The following MATN4 variants were observed in gnomAD, a reference collection of about 807,000 sequenced individuals.
MATN4 encodes the protein matrilin 4.
A neutral mutation model predicts 54.6 loss-of-function variants in MATN4; 40 were observed. The ratio of observed to expected loss-of-function variants is 0.73; its 90% confidence interval spans 0.57 to 0.95. The LOEUF (loss-of-function observed/expected upper bound fraction) is 0.95, where lower values mean the gene tolerates loss of function less well. MATN4 is among the 40% of genes least tolerant of loss of function. The probability of loss-of-function intolerance (pLI) is 0.00; values close to 1 mark genes in which losing one functional copy is unlikely to be tolerated. For missense variants in MATN4, 810 were observed against 819.1 expected (o/e 0.99, Z 0.13); for synonymous variants, 351 against 345.3 (o/e 1.02, Z -0.18).
At chr20:45,306,462 C>T (rs1332453457) in intron 1 of MATN4, among the ~76,000 whole-genome samples, 2 of 152,232 alleles carry the variant, frequency 1.3e-5, no homozygotes, top group African/African-American at 4.8e-5. Flanking sequence ...CCTCGGCCCA[C>T]TCCCCTACGC....
chr20:45,306,452 C>T (rs1318058671), intron 1 of MATN4, among the ~76,000 whole-genome samples: 2 of 152,242 alleles, frequency 1.3e-5, no homozygotes, highest in African/African-American at 4.8e-5. Flanking sequence ...CCCTTCCCCA[C>T]CTCGGCCCAC....
intron 8 of MATN4, 117 bp downstream of exon 8, chr20:45,297,801 T>C: frequency 1.5e-6 from 2 of 1,317,840 alleles, no homozygotes; most frequent in South Asian, 1.3e-5. Flanking sequence ...CAAAGCTCTG[T>C]CTAGTGAGCC....
chr20:45,297,668 T>C (rs1985928938), intron 8 of MATN4, among the ~76,000 whole-genome samples: 1 of 152,168 alleles, frequency 6.6e-6, no homozygotes, highest in Non-Finnish European at 1.5e-5. Context: ...ACAAATCACC[T>C]GAGAATCTTG....
Position 45,293,813 on chromosome 20 carries a change from G to C in MATN4, c.1700C>G (p.Thr567Arg). The C allele has an allele frequency of 3.7e-6, 6 of 1,611,392 alleles. No homozygotes were observed. Among genetic ancestry groups the C allele is most frequent in the Non-Finnish European group, 3.4e-6 (4 of 1,179,932 alleles). ...GTTCTCCAGATCCTCCAGGCGCGCCGTCAGCTGGGCCAGTGAGCGGTTAAG... is the reference window on the plus strand; with the variant it reads ...GTTCTCCAGATCCTCCAGGCGCGCCCTCAGCTGGGCCAGTGAGCGGTTAAG... ...ESLTLNLAQL[T>R]ARLEDLENQL... The change falls in exon 10 of 10, where the codon ACG becomes AGG. Residue 567 changes from threonine (T) to arginine (R), a missense_variant. Coordinates refer to ENST00000372756, the MANE Select transcript of MATN4 (RefSeq NM_001393530.1).
In MATN4 at chr20:45,297,911, C is replaced by G. The variant is rs781206229; in HGVS notation, c.1579+7G>C. The G allele has an allele frequency of 6.2e-7, 1 of 1,614,064 alleles. No individual in the cohort carries two copies. The highest frequency in any genetic ancestry group is 8.5e-7 in the Non-Finnish European group (1 of 1,179,980). On this transcript the variant is annotated splice_region_variant and intron_variant, in intron 8 of 9. Transcript: ENST00000372756. ...GAGAGGAGGAGCCCCGAGAGAGATG[C>G]GCTCACCTGGACAGATGCTGCCTCT...
At chr20:45,305,219 G>C (rs1354434051) in intron 2 of MATN4, among the ~76,000 whole-genome samples, 1 of 152,204 alleles carries the variant, frequency 6.6e-6, no homozygotes, top group Non-Finnish European at 1.5e-5. Flanking sequence ...GGTTTTTCAA[G>C]AGAAATACTA....
At chr20:45,304,877 A>G (rs747918985) in intron 2 of MATN4, 80 bp from the exon 3 acceptor site, 14 of 839,388 alleles carry the variant, frequency 1.7e-5, no homozygotes, top group Non-Finnish European at 2.4e-5. Flanking sequence ...CCCAGGGGAA[A>G]TGCCGCTATG....
In MATN4 at chr20:45,296,354, C is replaced by T. The variant is rs140063975; in HGVS notation, c.1579+1564G>A. Among the ~76,000 whole-genome samples the T allele has an allele frequency of 4.5e-3, 689 of 151,606 alleles. 5 individuals carry two copies. The highest frequency in any genetic ancestry group is 0.024 in the Middle Eastern group (7 of 290). ...ATAAGCACAATACCTGCCATTTAAC[C>T]TTTGAAAACACTGCCATAATGATTT... On this transcript the variant is annotated intron_variant, in intron 8 of 9. Coordinates refer to ENST00000372756, the MANE Select transcript of MATN4 (RefSeq NM_001393530.1).
At chr20:45,306,705 C>T in intron 1 of MATN4, 1 of 405,328 alleles carries the variant, frequency 2.5e-6, no homozygotes, top group East Asian at 3.6e-5. Context: ...CAGGGGGCGC[C>T]CGAGATGGCA....
In MATN4 at chr20:45,304,688, G is replaced by C. The variant is rs1986466731; in HGVS notation, c.183C>G (p.Leu61=). 1.2e-6 allele frequency: 2 copies of C among 1,612,816 alleles called. No individual in the cohort carries two copies. The highest frequency in any genetic ancestry group is 1.7e-6 in the Non-Finnish European group (2 of 1,179,320). The part of the protein sequence containing the change: ...ETMRQFLMGL[L]RGLNVGPNAT... ...CGTTGGGACCCACGTTCAGGCCTCG[G>C]AGGAGGCCCATGAGGAACTGCCGCA... Residue 61 remains leucine, a synonymous_variant, in exon 3 of 10, where the codon CTC becomes CTG. Coordinates refer to ENST00000372756, the MANE Select transcript of MATN4 (RefSeq NM_001393530.1).
intron 1 of MATN4, among the ~76,000 whole-genome samples, 186 bp from the exon 2 acceptor site, chr20:45,305,802 A>ATTTTTTTTTT (rs1050722306): frequency 4.1e-4 from 5 of 12,172 alleles, no homozygotes; most frequent in East Asian, 4.5e-3. Context: ...AACACAAGAG[A>ATTTTTTTTTT]TTCTTTTTTT....
intron 3 of MATN4, chr20:45,303,494 C>T (rs1986374003): frequency 1.4e-6 from 1 of 715,400 alleles, no homozygotes; most frequent in Non-Finnish European, 2.6e-6. Context: ...TGTCCCCCCT[C>T]AGCACACTGG....
At position 45,293,729 on chromosome 20, in the gene MATN4, T is replaced by A. The variant is rs1374145453; in HGVS notation, c.*38A>T. The stretch of plus-strand genomic sequence containing the variant: ...GGCGCGCAAGGGGCACCGTCCGTGG[T>A]GCCGCGCCCCAGCCCGGGTCTGGGC... On this transcript the variant is annotated 3_prime_UTR_variant, in exon 10 of 10. Coordinates refer to ENST00000372756, the MANE Select transcript of MATN4 (RefSeq NM_001393530.1). 6.4e-7 allele frequency: 1 copy of A among 1,562,326 alleles called. No homozygotes were observed. Among genetic ancestry groups the A allele is most frequent in the African/African-American group, 1.4e-5 (1 of 73,546 alleles).
At position 45,293,843 on chromosome 20, in the gene MATN4, C is replaced by T. The variant is rs1985630159; in HGVS notation, c.1688-18G>A. ...CTGGGCCAGTGAGCGGTTAAGGAGG[C>T]CGTTGGGGTTCGCCGAGGTCCCTTC... On this transcript the variant is annotated intron_variant, in intron 9 of 9. Coordinates refer to ENST00000372756, the MANE Select transcript of MATN4 (RefSeq NM_001393530.1). The T allele has an allele frequency of 6.2e-7, 1 of 1,610,852 alleles. No homozygotes were observed. Among genetic ancestry groups the T allele is most frequent in the East Asian group, 2.2e-5 (1 of 44,872 alleles).
chr20:45,298,665 AAACATTTATTATAT>A lies in MATN4; in HGVS notation c.1013-96_1013-83del. The A allele has an allele frequency of 8.8e-7, 1 of 1,138,556 alleles. No homozygotes were observed. The highest frequency in any genetic ancestry group is 1.2e-6 in the Non-Finnish European group (1 of 804,316). 70.5% of individuals were successfully genotyped at this position (1,138,556 alleles called of 1,614,324 possible). A position where few individuals can be genotyped will look rare whatever the true frequency, so the allele number is the denominator to read the frequency against. ...TCTATCCATCTAGTCGTTCATTCGCAAACATTTATTATATAACAGACAACATTTCCTGAGTCCTT... is the reference window on the plus strand; with the variant it reads ...TCTATCCATCTAGTCGTTCATTCGCAAACAGACAACATTTCCTGAGTCCTT... On this transcript the variant is annotated intron_variant, in intron 6 of 9. Coordinates refer to ENST00000372756, the MANE Select transcript of MATN4 (RefSeq NM_001393530.1). This position sits in a 1 kb window ranked among gnomAD's most constrained non-coding sequence, Gnocchi z 4.6.
intron 1 of MATN4, among the ~76,000 whole-genome samples, chr20:45,307,472 A>G (rs1986826865): frequency 6.6e-6 from 1 of 152,068 alleles, no homozygotes; most frequent in Non-Finnish European, 1.5e-5. Context: ...AGGGCGGGGA[A>G]CCCTTGTCAA....
rs567950909 is a variant in MATN4, at chr20:45,298,459, G to A, written c.1137C>T (p.Pro379=). Residue 379 remains proline (P), a synonymous_variant, in exon 7 of 10, where the codon CCC becomes CCT. Coordinates refer to ENST00000372756, the MANE Select transcript of MATN4 (RefSeq NM_001393530.1). This position sits in a 1 kb window ranked among gnomAD's most constrained non-coding sequence, Gnocchi z 4.6. ...NQIVDFLDVS[P]EGTRVGLVQF... Reference sequence around the variant, plus strand: ...GCACCAGCCCCACCCGCGTGCCCTCGGGGGACACATCTAGGAAGTCCACAA... The same window carrying A: ...GCACCAGCCCCACCCGCGTGCCCTCAGGGGACACATCTAGGAAGTCCACAA... 3.1e-6 allele frequency: 5 copies of A among 1,613,636 alleles called. No individual in the cohort carries two copies. In the East Asian group the frequency reaches 1.1e-4, roughly 36 times the overall value.
intron 8 of MATN4, among the ~76,000 whole-genome samples, chr20:45,295,973 T>G (rs1262680474): frequency 2.6e-5 from 4 of 152,044 alleles, no homozygotes; most frequent in African/African-American, 9.6e-5. Flanking sequence ...CCCAGCACTT[T>G]GGGAGGCTGA....
In MATN4 at chr20:45,298,186, C is replaced by T. The variant is rs199876561; in HGVS notation, c.1410G>A (p.Ala470=). The T allele has an allele frequency of 9.3e-5, 148 of 1,598,844 alleles. No homozygotes were observed. The highest frequency in any genetic ancestry group is 1.5e-4 in the Admixed American group (9 of 59,456). The change falls in exon 7 of 10, where the codon GCG becomes GCA. Residue 470 remains alanine, a synonymous_variant. Coordinates refer to ENST00000372756, the MANE Select transcript of MATN4 (RefSeq NM_001393530.1). The surrounding 1 kb of genome is among the most constrained non-coding windows in gnomAD (Gnocchi z 4.6). ...CAAGCCCACCTTCCTCCTTGGCGCG[C>T]GCTGCCCACACCGAGATGTCATCCT... is the stretch of plus-strand genomic sequence containing the variant. ...RSQDDISVWA[A]RAKEEGIVMY...
Sources: allele counts gnomAD v4.1 joint callset (sites outside exome capture counted in the v4.1 genomes callset), GRCh38; gene constraint gnomAD v4.1.1; non-coding constraint Gnocchi (gnomAD v3.1); transcripts MANE v1.5; gene names NCBI Gene and HGNC (gene_info 2026-07-23, HGNC 2026-07-21).